PCLAF: variants seen among roughly 807,000 people sequenced by gnomAD.
PCLAF encodes PCNA clamp associated factor.
In PCLAF, 12 loss-of-function variants were observed where a neutral mutation model predicts 15.1. The ratio of observed to expected loss-of-function variants is 0.79; its 90% CI spans 0.51 to 1.29. PCLAF has a LOEUF of 1.29. PCLAF is among the 50% of genes most tolerant of loss of function. The pLI is 0.00. For synonymous variants in PCLAF, 33 were observed against 47.1 expected (o/e 0.70, Z 1.22); for missense variants, 116 against 130.9 (o/e 0.89, Z 0.56).
chr15:64,366,167 T>G (rs916691114), intron 3 of PCLAF, 92 bp from the exon 4 acceptor site: 23 of 885,310 alleles, frequency 2.6e-5, no homozygotes, highest in African/African-American at 2.4e-4. Context: ...GAACATTAAT[T>G]AACAGTGCAG....
At chr15:64,372,958 CCTT>C (rs1899406756) in intron 3 of PCLAF, among the ~76,000 whole-genome samples, 1 of 152,156 alleles carries the variant, frequency 6.6e-6, no homozygotes, top group African/African-American at 2.4e-5. Context: ...GAGTGAGACT[CCTT>C]CTCAAAACAA....
chr15:64,367,611 G>A (rs568803184), intron 3 of PCLAF, among the ~76,000 whole-genome samples: 5 of 151,668 alleles, frequency 3.3e-5, no homozygotes, highest in South Asian at 2.1e-4. Flanking sequence ...GCAGTGGTGC[G>A]ATCTCAGCTC....
chr15:64,382,857 C>A, upstream of PCLAF: 1 of 271,612 alleles, frequency 3.7e-6, no homozygotes, highest in Non-Finnish European at 7.2e-6. Context: ...CTGGGAGTGG[C>A]GGCATGTGCC....
upstream of PCLAF, among the ~76,000 whole-genome samples, chr15:64,384,449 C>T (rs1899894305): frequency 6.6e-6 from 1 of 151,272 alleles, no homozygotes; most frequent in African/African-American, 2.4e-5. Context: ...ACATTTATAC[C>T]AAAGAAAATC....
At chr15:64,366,853 A>G (rs1316534733) in intron 3 of PCLAF, among the ~76,000 whole-genome samples, 1 of 151,992 alleles carries the variant, frequency 6.6e-6, no homozygotes, top group East Asian at 1.9e-4. Context: ...TGTGCCTGTA[A>G]TCCCAGCTAC....
upstream of PCLAF, among the ~76,000 whole-genome samples, chr15:64,381,825 C>A (rs114396913): frequency 1.3e-5 from 2 of 152,294 alleles, no homozygotes; most frequent in South Asian, 2.1e-4. Flanking sequence ...TGAAATTAAG[C>A]GGACTTTTTG....
At chr15:64,382,023 A>G (rs1899836559), upstream of PCLAF, among the ~76,000 whole-genome samples, 1 of 152,184 alleles carries the variant, frequency 6.6e-6, no homozygotes, top group South Asian at 2.1e-4. Flanking sequence ...GGGGGATTGT[A>G]TATACATACA....
At chr15:64,386,256 C>A (rs183104990), upstream of PCLAF, among the ~76,000 whole-genome samples, 2 of 151,558 alleles carry the variant, frequency 1.3e-5, no homozygotes, top group Admixed American at 1.3e-4. Flanking sequence ...CCTGGAAAAT[C>A]ATCTGCTTTC....
At chr15:64,370,309 G>A (rs1371420592) in intron 3 of PCLAF, among the ~76,000 whole-genome samples, 2 of 149,546 alleles carry the variant, frequency 1.3e-5, no homozygotes, top group South Asian at 4.3e-4. Context: ...CTGGGCTCAA[G>A]CAATCCTCCC....
upstream of PCLAF, among the ~76,000 whole-genome samples, chr15:64,384,743 A>G (rs971244212): frequency 6.6e-6 from 1 of 151,752 alleles, no homozygotes; most frequent in Non-Finnish European, 1.5e-5. Context: ...ATGTCTAAAA[A>G]AAAAAAAAAA....
At chr15:64,376,042 A>G (rs866005506) in intron 3 of PCLAF, among the ~76,000 whole-genome samples, 1 of 152,122 alleles carries the variant, frequency 6.6e-6, no homozygotes, top group African/African-American at 2.4e-5. Context: ...CTGGCCAACA[A>G]GGCAAAACCC....
chr15:64,379,456 G>C (rs1899741342), intron 2 of PCLAF, among the ~76,000 whole-genome samples: 1 of 151,386 alleles, frequency 6.6e-6, no homozygotes, highest in African/African-American at 2.4e-5. Context: ...ACTCAAGCCT[G>C]GGCAACAGAG....
At chr15:64,367,007 T>C (rs766155919) in intron 3 of PCLAF, among the ~76,000 whole-genome samples, 1 of 151,638 alleles carries the variant, frequency 6.6e-6, no homozygotes, top group African/African-American at 2.4e-5. Flanking sequence ...GGCACATCCC[T>C]ATAGTTTCAG....
intron 3 of PCLAF, among the ~76,000 whole-genome samples, chr15:64,366,839 G>GGT (rs1259386630): frequency 5.3e-5 from 8 of 152,100 alleles, no homozygotes; most frequent in Non-Finnish European, 1.2e-4. Flanking sequence ...GGGCAGTGGG[G>GGT]GTGTGTGCCT....
At chr15:64,383,721 A>G (rs1596329359), upstream of PCLAF, among the ~76,000 whole-genome samples, 1 of 152,170 alleles carries the variant, frequency 6.6e-6, no homozygotes, top group Non-Finnish European at 1.5e-5. Flanking sequence ...TGGCTTCTAC[A>G]TAGGTCTGAA....
rs1324272188 is a variant in PCLAF, at chr15:64,365,926, G to T, written c.*104C>A. On this transcript the variant is annotated 3_prime_UTR_variant, in exon 4 of 4. Transcript: ENST00000300035. ...TTAAACCTAAATTTTTTAATTAAATGCCTGTTCAACAAAGCTAATTGGAAC... is the reference window on the plus strand; with the variant it reads ...TTAAACCTAAATTTTTTAATTAAATTCCTGTTCAACAAAGCTAATTGGAAC... 10 of 923,522 alleles carry T rather than the reference G, an allele frequency of 1.1e-5. No homozygotes were observed. The Admixed American group carries it at 1.4e-4, about 13-fold the overall frequency. The allele number at this position is 923,522 out of a possible 1,614,324, so 57.2% of individuals were successfully genotyped here. A position where few individuals can be genotyped will look rare whatever the true frequency, so the allele number is the denominator to read the frequency against.
chr15:64,366,353 A>G (rs1459112607), intron 3 of PCLAF, among the ~76,000 whole-genome samples: 1 of 152,216 alleles, frequency 6.6e-6, no homozygotes, highest in Non-Finnish European at 1.5e-5. Context: ...AAAAGAATCT[A>G]TTTATATAGC....
chr15:64,378,519 C>A (rs952105418), intron 2 of PCLAF, among the ~76,000 whole-genome samples: 3 of 152,156 alleles, frequency 2.0e-5, no homozygotes, highest in South Asian at 4.1e-4. Context: ...AACCGTCCCG[C>A]CTTCGCCTCC....
In PCLAF at chr15:64,365,952, A is replaced by C; in HGVS notation, c.*78T>G. On this transcript the variant is annotated 3_prime_UTR_variant, in exon 4 of 4. Transcript: ENST00000300035. ...CCTGTTCAACAAAGCTAATTGGAAC[A>C]AACACATTTATGTAAATTTACATTC... 1 of 1,244,166 alleles carries C rather than the reference A, an allele frequency of 8.0e-7. No individual in the cohort carries two copies. The highest frequency in any genetic ancestry group is 1.2e-6 in the Non-Finnish European group (1 of 854,754). The allele number at this position is 1,244,166 out of a possible 1,614,324, so 77.1% of individuals were successfully genotyped here. A position where few individuals can be genotyped will look rare whatever the true frequency, so the allele number is the denominator to read the frequency against.
Sources: gnomAD v4.1 joint callset for allele counts (sites outside exome capture counted in the v4.1 genomes callset) on GRCh38, gnomAD v4.1.1 for gene constraint, MANE v1.5 for transcripts, NCBI Gene and HGNC (gene_info 2026-07-23, HGNC 2026-07-21) for gene names.